Variants in CHCHD3 observed in about 807,000 individuals in gnomAD.
The protein encoded by CHCHD3 is MICOS complex subunit MIC19.
Under a neutral mutation model 38.2 loss-of-function variants are expected in CHCHD3, and 20 were observed. The observed-to-expected ratio is 0.52, with a 90% confidence interval of 0.37 to 0.76. CHCHD3 has a LOEUF of 0.76. Ranked by LOEUF, CHCHD3 falls within the 30% of genes least tolerant of loss-of-function variation. The pLI is 0.00. For synonymous variants in CHCHD3, 82 were observed against 100.0 expected (o/e 0.82, Z 1.07); for missense variants, 245 against 279.2 (o/e 0.88, Z 0.87).
chr7:132,892,032 C>T (rs1809375238), intron 4 of CHCHD3, among the ~76,000 whole-genome samples: 1 of 152,094 alleles, frequency 6.6e-6, no homozygotes, highest in African/African-American at 2.4e-5. Flanking sequence ...ATCTTTATAG[C>T]AGTGTGAAAA....
intron 5 of CHCHD3, among the ~76,000 whole-genome samples, chr7:132,852,725 G>C (rs1808247430): frequency 6.6e-6 from 1 of 152,086 alleles, no homozygotes; most frequent in African/African-American, 2.4e-5. Context: ...ACAGACTACA[G>C]AAGGAGTCCT....
chr7:132,818,254 C>T (rs1199904978), intron 6 of CHCHD3, among the ~76,000 whole-genome samples: 1 of 152,200 alleles, frequency 6.6e-6, no homozygotes, highest in African/African-American at 2.4e-5. Flanking sequence ...TGAACCTTAG[C>T]TGTTATCAAT....
At chr7:132,816,900 C>T (rs1008321300) in intron 6 of CHCHD3, among the ~76,000 whole-genome samples, 8 of 152,230 alleles carry the variant, frequency 5.3e-5, no homozygotes, top group Non-Finnish European at 8.8e-5. Flanking sequence ...GATCCGAGAA[C>T]GGCCAAATCT....
intron 2 of CHCHD3, among the ~76,000 whole-genome samples, chr7:133,030,576 A>C (rs1160302813): frequency 6.6e-6 from 1 of 152,236 alleles, no homozygotes; most frequent in Non-Finnish European, 1.5e-5. Context: ...CCCATTTGCC[A>C]TGGAAATTTG....
chr7:132,787,698 C>A (rs1364152657), intron 7 of CHCHD3, among the ~76,000 whole-genome samples: 1 of 152,070 alleles, frequency 6.6e-6, no homozygotes, highest in South Asian at 2.1e-4. Flanking sequence ...AGAAGTCAAA[C>A]AAGATGGTGT....
At chr7:132,805,632 T>C (rs1806901140) in intron 6 of CHCHD3, among the ~76,000 whole-genome samples, 1 of 152,062 alleles carries the variant, frequency 6.6e-6, no homozygotes, top group Admixed American at 6.6e-5. Context: ...GGTGAAGTTA[T>C]AAAGGTACCA....
At chr7:133,029,585 G>C (rs1813445427) in intron 2 of CHCHD3, among the ~76,000 whole-genome samples, 1 of 152,180 alleles carries the variant, frequency 6.6e-6, no homozygotes, top group Non-Finnish European at 1.5e-5. Flanking sequence ...CTTCCTACCA[G>C]AGGAAAAGCT....
intron 4 of CHCHD3, among the ~76,000 whole-genome samples, chr7:132,951,401 T>C (rs1285161291): frequency 6.6e-6 from 1 of 152,184 alleles, no homozygotes; most frequent in Non-Finnish European, 1.5e-5. Flanking sequence ...GAATCTTCTT[T>C]CTATAACCTG....
intron 7 of CHCHD3, among the ~76,000 whole-genome samples, chr7:132,791,851 T>G (rs889582356): frequency 5.3e-5 from 8 of 152,198 alleles, no homozygotes; most frequent in Non-Finnish European, 8.8e-5. Context: ...TAGCCTCATT[T>G]ACTGGGTCCT....
At chr7:133,021,663 T>G (rs1004188210) in intron 3 of CHCHD3, among the ~76,000 whole-genome samples, 3 of 152,200 alleles carry the variant, frequency 2.0e-5, no homozygotes, top group African/African-American at 7.2e-5. Context: ...CTGTTTAAAA[T>G]TGTACTACTT....
intron 4 of CHCHD3, among the ~76,000 whole-genome samples, chr7:132,899,614 T>C (rs1809614147): frequency 2.0e-5 from 3 of 152,216 alleles, no homozygotes; most frequent in African/African-American, 4.8e-5. Flanking sequence ...GCTTCACTTA[T>C]GCAGGCCAGG....
At chr7:133,020,723 AG>A (rs975460639) in intron 3 of CHCHD3, among the ~76,000 whole-genome samples, 1 of 152,208 alleles carries the variant, frequency 6.6e-6, no homozygotes, top group African/African-American at 2.4e-5. Flanking sequence ...GAAAAATTCC[AG>A]GAATAAGAGT....
At chr7:133,076,112 C>T (rs905714819) in intron 1 of CHCHD3, among the ~76,000 whole-genome samples, 2 of 149,946 alleles carry the variant, frequency 1.3e-5, no homozygotes, top group African/African-American at 4.9e-5. Flanking sequence ...ATATCTTTTC[C>T]TGAACCGGGC....
intron 4 of CHCHD3, among the ~76,000 whole-genome samples, chr7:132,967,543 CACTT>C (rs1398200192): frequency 6.6e-6 from 1 of 151,962 alleles, no homozygotes; most frequent in Non-Finnish European, 1.5e-5. Flanking sequence ...GTAATCCCAG[CACTT>C]TGGGAGGCAA....
intron 1 of CHCHD3, among the ~76,000 whole-genome samples, chr7:133,071,538 TAC>T (rs1814818953): frequency 1.3e-5 from 2 of 152,286 alleles, no homozygotes; most frequent in South Asian, 4.1e-4. Flanking sequence ...TCACTCTGGC[TAC>T]AATGTAGAGA....
At chr7:132,897,341 T>C (rs545760415) in intron 4 of CHCHD3, among the ~76,000 whole-genome samples, 1 of 152,302 alleles carries the variant, frequency 6.6e-6, no homozygotes, top group South Asian at 2.1e-4. Context: ...AACTTCTGAA[T>C]TCCTTTTCTT....
Position 132,812,187 on chromosome 7 carries a change from C to T in CHCHD3, c.525-15610G>A, listed in dbSNP as rs1483993238. 9.7e-5 allele frequency among the ~76,000 whole-genome samples: 12 copies of T among 123,872 alleles called. No homozygotes were observed. In the East Asian group the frequency reaches 3.0e-3, roughly 31 times the overall value. 81.3% of individuals were successfully genotyped at this position (123,872 alleles called of 152,430 possible). On this transcript the variant is annotated intron_variant, in intron 6 of 7. Transcript: ENST00000262570. The stretch of plus-strand genomic sequence containing the variant: ...TAATAGATCTAGAATTGACCACTTC[C>T]TTTTTTTCTTTTCTTTTTTTTTTTT...
intron 7 of CHCHD3, among the ~76,000 whole-genome samples, chr7:132,793,662 C>T (rs535648902): frequency 7.9e-5 from 12 of 152,284 alleles, no homozygotes; most frequent in Non-Finnish European, 1.2e-4. Flanking sequence ...CCAGGGAACC[C>T]GTGAAAGGCC....
intron 3 of CHCHD3, among the ~76,000 whole-genome samples, chr7:133,002,068 T>G (rs1310782383): frequency 6.6e-6 from 1 of 152,136 alleles, no homozygotes; most frequent in Non-Finnish European, 1.5e-5. Context: ...ATTTACTAAG[T>G]GGTCTCAGAA....
Sources: gnomAD v4.1 joint callset for allele counts (sites outside exome capture counted in the v4.1 genomes callset) on GRCh38, gnomAD v4.1.1 for gene constraint, MANE v1.5 for transcripts, NCBI Gene and HGNC (gene_info 2026-07-23, HGNC 2026-07-21) for gene names.